SYT6: variants seen among roughly 807,000 people sequenced by gnomAD.
SYT6 encodes the protein synaptotagmin 6.
A neutral mutation model predicts 38.4 loss-of-function variants in SYT6; 24 were observed. The ratio of observed to expected loss-of-function variants is 0.62; its 90% CI spans 0.45 to 0.88. The LOEUF (loss-of-function observed/expected upper bound fraction) is 0.88. Among genes scored for constraint, SYT6 ranks in the 40% least tolerant of loss-of-function variants. The probability of loss-of-function intolerance (pLI) is 0.00; values close to 1 mark genes in which losing one functional copy is unlikely to be tolerated. For missense variants in SYT6, 611 were observed against 621.0 expected (o/e 0.98, Z 0.17); for synonymous variants, 265 against 241.9 (o/e 1.10, Z -0.89).
chr1:114,122,214 A>G (rs1005054449), intron 3 of SYT6, among the ~76,000 whole-genome samples: 2 of 152,214 alleles, frequency 1.3e-5, no homozygotes, highest in African/African-American at 4.8e-5. Flanking sequence ...TTCTCAACAC[A>G]TGAGAGATGC....
chr1:114,147,564 A>T (rs1040770009), intron 1 of SYT6, among the ~76,000 whole-genome samples: 2 of 152,218 alleles, frequency 1.3e-5, no homozygotes, highest in Admixed American at 1.3e-4. Context: ...ATAGCCTTGT[A>T]CAGGGGCACA....
In SYT6 at chr1:114,103,690, G is replaced by A; in HGVS notation, c.1103C>T (p.Ser368Phe). Residue 368 changes from serine to phenylalanine, a missense_variant, in exon 4 of 8, where the codon TCC becomes TTC. Transcript: ENST00000610222. ...GCCTGCAGTGGGCAGGTAGCAAAGG[G>A]AGAACATGATCTCTCCCAAGTCCAC... ...ESVDLGEIMF[S>F]LCYLPTAGRL... 1 of 1,614,132 alleles carries A rather than the reference G, an allele frequency of 6.2e-7. No individual in the cohort carries two copies. The highest frequency in any genetic ancestry group is 8.5e-7 in the Non-Finnish European group (1 of 1,180,024).
intron 6 of SYT6, among the ~76,000 whole-genome samples, chr1:114,097,425 G>T (rs74112918): frequency 0.025 from 3,741 of 152,306 alleles, 140 homozygotes; most frequent in African/African-American, 0.085. Context: ...ACTTGGCCAA[G>T]GGCTTTGTGA....
At position 114,093,900 on chromosome 1, in the gene SYT6, T is replaced by G. The variant is rs979700173; in HGVS notation, c.1516-97A>C. On this transcript the variant is annotated intron_variant, in intron 6 of 7. Coordinates refer to ENST00000610222, the MANE Select transcript of SYT6 (RefSeq NM_001253772.2). ...TAACCAGAAGGTGACAACACATGAT[T>G]ACTAATGCTCTTATTTAACAGACCT... 1.8e-5 allele frequency: 20 copies of G among 1,116,596 alleles called. No individual in the cohort carries two copies. The African/African-American group carries it at 2.9e-4, about 16-fold the overall frequency. The allele number at this position is 1,116,596 out of a possible 1,614,324, so 69.2% of individuals were successfully genotyped here.
At chr1:114,105,511 A>C (rs1336669579) in intron 3 of SYT6, among the ~76,000 whole-genome samples, 1 of 145,196 alleles carries the variant, frequency 6.9e-6, no homozygotes, top group Non-Finnish European at 1.5e-5. Context: ...GCTTCCCAGG[A>C]AGGGCCTGGC....
At chr1:114,150,762 C>T (rs185373614) in intron 1 of SYT6, among the ~76,000 whole-genome samples, 1 of 152,102 alleles carries the variant, frequency 6.6e-6, no homozygotes, top group Non-Finnish European at 1.5e-5. Context: ...GAATAGCAGG[C>T]CTATGGCTTC....
At chr1:114,100,917 T>G (rs1391270141) in intron 4 of SYT6, among the ~76,000 whole-genome samples, 1 of 152,114 alleles carries the variant, frequency 6.6e-6, no homozygotes, top group African/African-American at 2.4e-5. Context: ...CTGCTCTACC[T>G]ATTTCCATAC....
At chr1:114,109,585 C>T (rs1676549366) in intron 3 of SYT6, among the ~76,000 whole-genome samples, 1 of 152,186 alleles carries the variant, frequency 6.6e-6, no homozygotes, top group African/African-American at 2.4e-5. Flanking sequence ...GTAATTTGTG[C>T]AAAGTGCTTA....
At position 114,097,892 on chromosome 1, in the gene SYT6, A is replaced by G; in HGVS notation, c.1365-15T>C. On this transcript the variant is annotated splice_polypyrimidine_tract_variant and intron_variant, in intron 5 of 7. Coordinates refer to ENST00000610222, the MANE Select transcript of SYT6 (RefSeq NM_001253772.2). ...TGTGGCCCACTCTGAGGGAGAAACA[A>G]AAGTCCCAGCACTGGCTACCAGACA... 6.2e-7 allele frequency: 1 copy of G among 1,613,642 alleles called. No individual in the cohort carries two copies. The highest frequency in any genetic ancestry group is 1.3e-5 in the African/African-American group (1 of 75,044).
chr1:114,123,734 A>T (rs1424620808), intron 3 of SYT6, among the ~76,000 whole-genome samples: 1 of 152,180 alleles, frequency 6.6e-6, no homozygotes, highest in African/African-American at 2.4e-5. Flanking sequence ...TCCCTGAAAG[A>T]GCCTGGTAAT....
At chr1:114,135,021 G>A (rs1229485756) in intron 3 of SYT6, among the ~76,000 whole-genome samples, 3 of 152,050 alleles carry the variant, frequency 2.0e-5, no homozygotes, top group Non-Finnish European at 4.4e-5. Flanking sequence ...TACCTGGCAG[G>A]GTGATGAGCC....
intron 3 of SYT6, among the ~76,000 whole-genome samples, chr1:114,113,347 C>T (rs1185114551): frequency 6.6e-6 from 1 of 152,256 alleles, no homozygotes; most frequent in Non-Finnish European, 1.5e-5. Context: ...GTTTGTCAAG[C>T]TTTTTCTCTC....
chr1:114,138,287 G>A (rs1474058063), intron 2 of SYT6, among the ~76,000 whole-genome samples: 2 of 152,150 alleles, frequency 1.3e-5, no homozygotes, highest in Non-Finnish European at 2.9e-5. Flanking sequence ...TATATAGTAA[G>A]CTCAATAAAC....
intron 3 of SYT6, among the ~76,000 whole-genome samples, chr1:114,116,588 G>C (rs1453877995): frequency 6.6e-6 from 1 of 152,190 alleles, no homozygotes; most frequent in African/African-American, 2.4e-5. Flanking sequence ...TGGGAGAGTT[G>C]AAGGTGTCAG....
At chr1:114,112,350 C>T (rs2101015130) in intron 3 of SYT6, among the ~76,000 whole-genome samples, 1 of 152,320 alleles carries the variant, frequency 6.6e-6, no homozygotes, top group South Asian at 2.1e-4. Flanking sequence ...GCAAATGTTT[C>T]AGCATCTGAG....
chr1:114,152,533 C>T (rs1679496834), intron 1 of SYT6: 1 of 152,282 alleles, frequency 6.6e-6, no homozygotes, highest in Admixed American at 6.5e-5. Context: ...AGTACTCCCT[C>T]CCGCCCCGGA....
In SYT6 at chr1:114,129,538, C is replaced by CT. The variant is rs1365881859; in HGVS notation, c.1071+7956dup. 3.7e-4 allele frequency among the ~76,000 whole-genome samples: 56 copies of CT among 149,670 alleles called. 1 individual carries two copies. The highest frequency in any genetic ancestry group is 1.1e-3 in the African/African-American group (46 of 41,062). On this transcript the variant is annotated intron_variant, in intron 3 of 7. Coordinates refer to ENST00000610222, the MANE Select transcript of SYT6 (RefSeq NM_001253772.2). ...TCTTTGTTTTTCTCTTTCTTTCTTT[C>CT]TTTTTTTTCTGTCTTTTTTTCTTTC... is the stretch of plus-strand genomic sequence containing the variant.
At chr1:114,146,121 T>C (rs1405118806) in intron 1 of SYT6, among the ~76,000 whole-genome samples, 1 of 152,162 alleles carries the variant, frequency 6.6e-6, no homozygotes, top group African/African-American at 2.4e-5. Context: ...GCTTTTGACA[T>C]CTCACTGGCA....
chr1:114,098,020 T>A (rs1008980168), intron 5 of SYT6, 143 bp from the exon 6 acceptor site: 2 of 913,634 alleles, frequency 2.2e-6, no homozygotes, highest in African/African-American at 1.7e-5. Flanking sequence ...GCAGGGCTTC[T>A]GGGTGTCAGT....
Sources: gnomAD v4.1 joint callset for allele counts (sites outside exome capture counted in the v4.1 genomes callset) on GRCh38, gnomAD v4.1.1 for gene constraint, MANE v1.5 for transcripts, NCBI Gene and HGNC (gene_info 2026-07-23, HGNC 2026-07-21) for gene names.